Variants in PTH2R observed in about 807,000 individuals in gnomAD.
The protein encoded by PTH2R is PTH2 receptor.
A neutral mutation model predicts 60.3 loss-of-function variants in PTH2R; 59 were observed. That is an observed-to-expected ratio of 0.98 (90% CI 0.79 to 1.22). PTH2R has a LOEUF of 1.22. Among genes scored for constraint, PTH2R ranks in the 50% most tolerant of loss-of-function variants. The pLI is 0.00. For missense variants in PTH2R, 749 were observed against 682.6 expected (o/e 1.10, Z -1.08); for synonymous variants, 256 against 243.8 (o/e 1.05, Z -0.47).
intron 7 of PTH2R, among the ~76,000 whole-genome samples, chr2:208,448,321 G>A (rs774970331): frequency 8.6e-5 from 13 of 151,868 alleles, no homozygotes; most frequent in Non-Finnish European, 1.8e-4. Context: ...TTTTTAATTT[G>A]TAGTTATTTT....
chr2:208,484,300 T>A (rs1703225739), intron 10 of PTH2R, among the ~76,000 whole-genome samples: 1 of 152,220 alleles, frequency 6.6e-6, no homozygotes, highest in Admixed American at 6.5e-5. Context: ...CATGGTGGTT[T>A]AAAATGGAAA....
chr2:208,364,658 T>A (rs1700543969), intron 1 of PTH2R, among the ~76,000 whole-genome samples: 1 of 152,176 alleles, frequency 6.6e-6, no homozygotes. Flanking sequence ...TTAGGGCCCT[T>A]TGAGATTCCA....
intron 7 of PTH2R, among the ~76,000 whole-genome samples, chr2:208,445,774 T>C (rs1702277488): frequency 6.6e-6 from 1 of 152,182 alleles, no homozygotes; most frequent in African/African-American, 2.4e-5. Context: ...AAGTAAAGAA[T>C]GCTGAACTTT....
intron 1 of PTH2R, among the ~76,000 whole-genome samples, chr2:208,417,043 A>G (rs1485194846): frequency 6.6e-6 from 1 of 152,180 alleles, no homozygotes; most frequent in Non-Finnish European, 1.5e-5. Flanking sequence ...TGAAGATTGG[A>G]AAAGAAAGAA....
chr2:208,447,605 A>G (rs1702313688), intron 7 of PTH2R, among the ~76,000 whole-genome samples: 1 of 78,178 alleles, frequency 1.3e-5, no homozygotes, highest in Non-Finnish European at 2.7e-5. Context: ...AAACAAAAAG[A>G]AAAATAAATA....
At chr2:208,361,784 A>T (rs1220220272) in intron 1 of PTH2R, among the ~76,000 whole-genome samples, 1 of 151,278 alleles carries the variant, frequency 6.6e-6, no homozygotes, top group Non-Finnish European at 1.5e-5. Context: ...AAAAAAAAGG[A>T]TGAAGACTAT....
intron 7 of PTH2R, among the ~76,000 whole-genome samples, 176 bp downstream of exon 7, chr2:208,445,063 T>C (rs2105873577): frequency 6.6e-6 from 1 of 152,324 alleles, no homozygotes; most frequent in South Asian, 2.1e-4. Context: ...ATCAAGTCTA[T>C]AATTCTCCCA....
intron 8 of PTH2R, among the ~76,000 whole-genome samples, chr2:208,457,909 T>G (rs1251886366): frequency 6.6e-6 from 1 of 152,200 alleles, no homozygotes; most frequent in Non-Finnish European, 1.5e-5. Context: ...AAAAAGTAAG[T>G]TCGTGATAAG....
rs759175375 is a variant in PTH2R at position 208,360,282 on chromosome 2, G to A, written c.-259+45G>A. ...TGTTCTCCCGCCTTCTGCGTGAGCA[G>A]CCCCTACGGGGTCTCCTACTGGTCC... On this transcript the variant is annotated intron_variant, in intron 1 of 12. Coordinates refer to the PTH2R transcript ENST00000617735. 9.8e-5 allele frequency: 40 copies of A among 407,656 alleles called. No homozygotes were observed. In the Middle Eastern group the frequency reaches 1.1e-3, roughly 11 times the overall value. 25.3% of individuals were successfully genotyped at this position (407,656 alleles called of 1,614,324 possible). A position where few individuals can be genotyped will look rare whatever the true frequency, so the allele number is the denominator to read the frequency against.
chr2:208,384,849 G>A (rs16841143), intron 1 of PTH2R, among the ~76,000 whole-genome samples: 19,072 of 152,192 alleles, frequency 0.13, 1,352 homozygotes, highest in African/African-American at 0.19. Context: ...AAGTGCTGCA[G>A]TTCTATTCTG....
At chr2:208,439,158 A>G (rs1469128412) in intron 4 of PTH2R, among the ~76,000 whole-genome samples, 1 of 152,126 alleles carries the variant, frequency 6.6e-6, no homozygotes, top group Non-Finnish European at 1.5e-5. Context: ...AAATTAAATC[A>G]TGGTTTTATT....
chr2:208,428,309 G>A lies in PTH2R; in HGVS notation c.178+6G>A. 1 of 1,603,884 alleles carries A rather than the reference G, an allele frequency of 6.2e-7. No individual in the cohort carries two copies. The highest frequency in any genetic ancestry group is 1.1e-5 in the South Asian group (1 of 89,518). ...AGCTCAACTCCAGGAGGGAGGTAAA[G>A]ATGCCAAGAAAATTGGCTCTCCTTG... is the stretch of plus-strand genomic sequence containing the variant. On this transcript the variant is annotated splice_donor_region_variant and intron_variant, in intron 2 of 12. Coordinates refer to ENST00000272847, the MANE Select transcript of PTH2R (RefSeq NM_005048.4).
chr2:208,388,142 C>CCCA (rs1266436685), intron 1 of PTH2R, among the ~76,000 whole-genome samples: 6 of 148,432 alleles, frequency 4.0e-5, no homozygotes, highest in African/African-American at 1.2e-4. Context: ...ACCCCCCCCC[C>CCCA]CGTCTCTACT....
At chr2:208,417,782 A>C (rs891947342) in intron 1 of PTH2R, among the ~76,000 whole-genome samples, 10 of 152,096 alleles carry the variant, frequency 6.6e-5, no homozygotes, top group South Asian at 6.2e-4. Context: ...AAAATAAGAA[A>C]AGCTACATAG....
intron 11 of PTH2R, among the ~76,000 whole-genome samples, chr2:208,489,667 A>C (rs939268480): frequency 1.3e-5 from 2 of 152,172 alleles, no homozygotes; most frequent in Admixed American, 6.5e-5. Context: ...AATCTTAAGA[A>C]TATACATTTG....
At chr2:208,437,296 T>C (rs1158082763) in intron 2 of PTH2R, among the ~76,000 whole-genome samples, 1 of 152,230 alleles carries the variant, frequency 6.6e-6, no homozygotes, top group Non-Finnish European at 1.5e-5. Context: ...TATGCTGGAA[T>C]AATTTGAATA....
chr2:208,467,942 C>T (rs777940125), intron 9 of PTH2R, among the ~76,000 whole-genome samples: 8 of 152,186 alleles, frequency 5.3e-5, no homozygotes, highest in Non-Finnish European at 8.8e-5. Context: ...TCTCTTCCCC[C>T]ATTTTCAACA....
intron 1 of PTH2R, among the ~76,000 whole-genome samples, chr2:208,378,350 G>A (rs1206983804): frequency 1.3e-5 from 2 of 151,976 alleles, no homozygotes; most frequent in African/African-American, 4.8e-5. Flanking sequence ...CTCGGCATCA[G>A]AGGGATACCG....
intron 2 of PTH2R, among the ~76,000 whole-genome samples, chr2:208,436,464 A>G (rs1323363367): frequency 6.6e-6 from 1 of 152,220 alleles, no homozygotes; most frequent in Non-Finnish European, 1.5e-5. Flanking sequence ...AACTTGTCTG[A>G]GTCCAGTGAG....
Sources: allele counts gnomAD v4.1 joint callset (sites outside exome capture counted in the v4.1 genomes callset), GRCh38; gene constraint gnomAD v4.1.1; transcripts MANE v1.5; gene names NCBI Gene and HGNC (gene_info 2026-07-23, HGNC 2026-07-21).